Variants in AGPS observed in about 807,000 individuals in gnomAD.
AGPS encodes alkyldihydroxyacetonephosphate synthase, peroxisomal.
AGPS carries 26 observed loss-of-function variants against 90.7 expected under a neutral mutation model. That is an observed-to-expected ratio of 0.29 (90% CI 0.21 to 0.40). The LOEUF (loss-of-function observed/expected upper bound fraction) is 0.40, where lower values mean the gene tolerates loss of function less well. AGPS is among the 10% of genes least tolerant of loss of function. The pLI is 1.00. For synonymous variants in AGPS, 294 were observed against 285.3 expected (o/e 1.03, Z -0.31); for missense variants, 540 against 816.1 (o/e 0.66, Z 4.12).
chr2:177,520,535 G>A (rs1278169629), intron 17 of AGPS, among the ~76,000 whole-genome samples: 1 of 151,248 alleles, frequency 6.6e-6, no homozygotes, highest in Non-Finnish European at 1.5e-5. Context: ...TGTTTACTGT[G>A]GCAGTACAAA....
intron 19 of AGPS, among the ~76,000 whole-genome samples, chr2:177,534,061 G>A (rs951692153): frequency 6.6e-5 from 10 of 152,138 alleles, no homozygotes; most frequent in Admixed American, 1.3e-4. Context: ...AATCAAATGT[G>A]TGATTCAAAA....
intron 19 of AGPS, among the ~76,000 whole-genome samples, chr2:177,529,312 G>A (rs2079116492): frequency 6.6e-6 from 1 of 151,484 alleles, no homozygotes; most frequent in Non-Finnish European, 1.5e-5. Flanking sequence ...CAAAAACTAA[G>A]AAAAAAAACT....
chr2:177,540,806 A>G lies in AGPS; in HGVS notation c.*2611A>G, dbSNP rs2079228092. ...TTTGGGTTGGGGTTTCAGTGGGAATAGTAACTTGCCGCTAGTGAGAAATGG... is the reference window on the plus strand; with the variant it reads ...TTTGGGTTGGGGTTTCAGTGGGAATGGTAACTTGCCGCTAGTGAGAAATGG... On this transcript the variant is annotated 3_prime_UTR_variant, in exon 20 of 20. Coordinates refer to ENST00000264167, the MANE Select transcript of AGPS (RefSeq NM_003659.4). The G allele has an allele frequency of 6.6e-6, 1 of 152,138 alleles. No individual in the cohort carries two copies. The highest frequency in any genetic ancestry group is 1.5e-5 in the Non-Finnish European group (1 of 68,000). 9.4% of individuals were successfully genotyped at this position (152,138 alleles called of 1,614,324 possible). A position where few individuals can be genotyped will look rare whatever the true frequency, so the allele number is the denominator to read the frequency against.
intron 14 of AGPS, among the ~76,000 whole-genome samples, chr2:177,501,757 G>A (rs751836802): frequency 1.3e-5 from 2 of 151,784 alleles, no homozygotes; most frequent in Non-Finnish European, 2.9e-5. Flanking sequence ...AACCTCTCCC[G>A]CCCAGGTTCA....
intron 1 of AGPS, among the ~76,000 whole-genome samples, chr2:177,399,339 C>T (rs1449750379): frequency 6.6e-6 from 1 of 152,044 alleles, no homozygotes; most frequent in Non-Finnish European, 1.5e-5. Context: ...CTAGAGTCTA[C>T]CGTTGTAGCA....
At chr2:177,407,811 A>G (rs1198099963) in intron 1 of AGPS, among the ~76,000 whole-genome samples, 2 of 147,648 alleles carry the variant, frequency 1.4e-5, no homozygotes, top group East Asian at 3.9e-4. Context: ...TTTTTTTTTA[A>G]AAAAAAGAGG....
At position 177,392,883 on chromosome 2, in the gene AGPS, G is replaced by C; in HGVS notation, c.94G>C (p.Asp32His). 1 of 1,551,410 alleles carries C rather than the reference G, an allele frequency of 6.4e-7. No individual in the cohort carries two copies. Among genetic ancestry groups the C allele is most frequent in the Non-Finnish European group, 8.7e-7 (1 of 1,148,824 alleles). The stretch of plus-strand genomic sequence containing the variant: ...GGACCGGGACCGGGACCCGGACCCG[G>C]ACCGCGCCGGGCGGAGGCTGCGGGT... ...AADRDRDPDP[D>H]RAGRRLRVLS... is the part of the protein sequence containing the mutation. The change falls in exon 1 of 20, where the codon GAC becomes CAC. Residue 32 changes from aspartate to histidine, a missense_variant. Around this residue, in one of 2 missense-constraint regions of AGPS, gnomAD observed 135 missense variants for 124.0 expected, o/e 1.09. Transcript: ENST00000264167.
At chr2:177,509,720 CT>C (rs1157618658) in intron 16 of AGPS, among the ~76,000 whole-genome samples, 1 of 149,658 alleles carries the variant, frequency 6.7e-6, no homozygotes, top group Non-Finnish European at 1.5e-5. Context: ...TCTCAAAGAT[CT>C]TTTTTTTAGT....
At chr2:177,424,336 C>T (rs969775950) in intron 2 of AGPS, among the ~76,000 whole-genome samples, 3 of 152,062 alleles carry the variant, frequency 2.0e-5, no homozygotes, top group Non-Finnish European at 4.4e-5. Flanking sequence ...TGTATATGTA[C>T]CATATTTTCT....
chr2:177,438,595 GT>G (rs1332103954), intron 5 of AGPS, among the ~76,000 whole-genome samples: 1 of 151,832 alleles, frequency 6.6e-6, no homozygotes, highest in Non-Finnish European at 1.5e-5. Flanking sequence ...TTCCTTCTCA[GT>G]GTATATCCAG....
intron 11 of AGPS, among the ~76,000 whole-genome samples, chr2:177,491,478 T>C (rs769857395): frequency 6.7e-6 from 1 of 148,284 alleles, no homozygotes; most frequent in African/African-American, 2.5e-5. Context: ...GGTTTCACCA[T>C]GTTGGCCAGG....
intron 2 of AGPS, among the ~76,000 whole-genome samples, chr2:177,430,989 C>T (rs1686226212): frequency 6.6e-6 from 1 of 152,080 alleles, no homozygotes; most frequent in Non-Finnish European, 1.5e-5. Context: ...TATAAAAAGG[C>T]TGTTAAATTG....
chr2:177,397,672 C>T (rs147040508), intron 1 of AGPS, among the ~76,000 whole-genome samples: 8 of 152,216 alleles, frequency 5.3e-5, no homozygotes, highest in Non-Finnish European at 1.0e-4. Context: ...TGATTAAGAA[C>T]GCCACTAATT....
At chr2:177,508,371 C>G (rs1688770833) in intron 16 of AGPS, among the ~76,000 whole-genome samples, 3 of 152,114 alleles carry the variant, frequency 2.0e-5, no homozygotes. Flanking sequence ...TAAATGTTCT[C>G]TAAAAAGTCC....
intron 3 of AGPS, among the ~76,000 whole-genome samples, chr2:177,434,853 A>G (rs1686350302): frequency 6.6e-6 from 1 of 151,752 alleles, no homozygotes; most frequent in Non-Finnish European, 1.5e-5. Context: ...AAAATGTAAA[A>G]TCACATTTAG....
At chr2:177,522,279 C>T (rs1689217432) in intron 18 of AGPS, among the ~76,000 whole-genome samples, 1 of 152,296 alleles carries the variant, frequency 6.6e-6, no homozygotes, top group Admixed American at 6.5e-5. Flanking sequence ...CCAAATGTCC[C>T]TTCTGTACAG....
intron 1 of AGPS, among the ~76,000 whole-genome samples, chr2:177,402,693 A>G (rs775966214): frequency 1.8e-4 from 28 of 152,230 alleles, no homozygotes; most frequent in Non-Finnish European, 3.1e-4. Context: ...ATAGGATATA[A>G]TATGTAGGTC....
chr2:177,505,423 A>G (rs1688680710), intron 14 of AGPS, 83 bp from the exon 15 acceptor site: 2 of 1,223,626 alleles, frequency 1.6e-6, no homozygotes, highest in African/African-American at 3.0e-5. Flanking sequence ...ATTCAAACTT[A>G]TTCTCTTGAC....
chr2:177,513,433 A>G (rs1157493943), intron 16 of AGPS, among the ~76,000 whole-genome samples: 2 of 152,188 alleles, frequency 1.3e-5, no homozygotes, highest in African/African-American at 4.8e-5. Flanking sequence ...AGACATGGGT[A>G]AAGATTGGTA....
Sources: allele counts gnomAD v4.1 joint callset (sites outside exome capture counted in the v4.1 genomes callset), GRCh38; gene constraint gnomAD v4.1.1; regional missense constraint gnomAD v4.1.1; transcripts MANE v1.5; gene names NCBI Gene and HGNC (gene_info 2026-07-23, HGNC 2026-07-21).